TMEM108: variants seen among roughly 807,000 people sequenced by gnomAD.
TMEM108 encodes the protein transmembrane protein 108.
Under a neutral mutation model 35.1 loss-of-function variants are expected in TMEM108, and 12 were observed. The ratio of observed to expected loss-of-function variants is 0.34; its 90% CI spans 0.22 to 0.55. TMEM108 has a LOEUF of 0.55. Ranked by LOEUF, TMEM108 falls within the 20% of genes least tolerant of loss-of-function variation. TMEM108 has a pLI of 0.89. For synonymous variants in TMEM108, 287 were observed against 308.6 expected, an observed-to-expected ratio of 0.93 and a Z score of 0.73; for missense variants, 680 against 753.3, an observed-to-expected ratio of 0.90 and a Z score of 1.14.
At chr3:133,052,672 C>T (rs1943419615) in intron 2 of TMEM108, among the ~76,000 whole-genome samples, 1 of 151,576 alleles carries the variant, frequency 6.6e-6, no homozygotes, top group African/African-American at 2.4e-5. Context: ...TGTTCTTTTC[C>T]TTTTGGTTTG....
At chr3:133,377,292 G>A (rs1039359098) in intron 3 of TMEM108, among the ~76,000 whole-genome samples, 3 of 152,188 alleles carry the variant, frequency 2.0e-5, no homozygotes, top group African/African-American at 7.2e-5. Context: ...GAAAGGGAAT[G>A]TCCATCAAAA....
intron 2 of TMEM108, among the ~76,000 whole-genome samples, chr3:133,196,522 T>C (rs973146911): frequency 1.2e-4 from 19 of 152,250 alleles, no homozygotes; most frequent in African/African-American, 4.3e-4. Flanking sequence ...TAAATTTACA[T>C]GTTTATACCT....
chr3:133,116,911 G>A (rs7624758), intron 2 of TMEM108, among the ~76,000 whole-genome samples: 51,128 of 151,862 alleles, frequency 0.34, 8,725 homozygotes, highest in Admixed American at 0.41. Context: ...CTGAGACTAC[G>A]GGCGTGCACT....
intron 3 of TMEM108, chr3:133,247,860 G>A (rs1282082301): frequency 6.6e-6 from 1 of 152,098 alleles, no homozygotes; most frequent in African/African-American, 2.4e-5. Flanking sequence ...AGAAAACTGT[G>A]GTACAAATGC....
intron 3 of TMEM108, among the ~76,000 whole-genome samples, chr3:133,238,288 CT>C (rs1462603549): frequency 6.6e-6 from 1 of 150,798 alleles, no homozygotes; most frequent in African/African-American, 2.4e-5. Context: ...TCATCCATTC[CT>C]TTGTTTCCAG....
intron 2 of TMEM108, among the ~76,000 whole-genome samples, chr3:133,198,599 A>G (rs1433765983): frequency 1.3e-5 from 2 of 152,236 alleles, no homozygotes; most frequent in Non-Finnish European, 2.9e-5. Context: ...TGAAGCCTCA[A>G]TTTTAGACCT....
At chr3:133,193,719 C>T (rs1014225024) in intron 2 of TMEM108, among the ~76,000 whole-genome samples, 2 of 152,190 alleles carry the variant, frequency 1.3e-5, no homozygotes, top group African/African-American at 4.8e-5. Context: ...AATGACAGGG[C>T]TTTAGGTATA....
intron 3 of TMEM108, among the ~76,000 whole-genome samples, chr3:133,370,895 TG>T (rs2072644611): frequency 6.7e-6 from 1 of 150,146 alleles, no homozygotes; most frequent in Non-Finnish European, 1.5e-5. Flanking sequence ...TGTGTGTGTG[TG>T]TGTGTGTGTG....
intron 3 of TMEM108, among the ~76,000 whole-genome samples, chr3:133,306,862 T>C (rs1478726644): frequency 6.6e-6 from 1 of 152,122 alleles, no homozygotes; most frequent in Non-Finnish European, 1.5e-5. Context: ...AGCAGCATGA[T>C]TTATAATTCT....
chr3:133,210,747 C>T (rs1368076171), intron 2 of TMEM108, among the ~76,000 whole-genome samples: 2 of 152,092 alleles, frequency 1.3e-5, no homozygotes, highest in Non-Finnish European at 2.9e-5. Flanking sequence ...TGCACAAGTC[C>T]AAACAGTGAA....
chr3:133,091,757 T>A (rs1943949151), intron 2 of TMEM108, among the ~76,000 whole-genome samples: 1 of 152,130 alleles, frequency 6.6e-6, no homozygotes, highest in African/African-American at 2.4e-5. Flanking sequence ...AGTAGAGAAA[T>A]GTAAAGTATT....
intron 2 of TMEM108, among the ~76,000 whole-genome samples, chr3:133,167,404 C>T (rs969661448): frequency 6.6e-6 from 1 of 152,270 alleles, no homozygotes; most frequent in African/African-American, 2.4e-5. Context: ...CGCCCGCACT[C>T]CTCAGCCCTT....
At chr3:133,157,523 G>C (rs1485220107) in intron 2 of TMEM108, among the ~76,000 whole-genome samples, 2 of 152,132 alleles carry the variant, frequency 1.3e-5, no homozygotes, top group Non-Finnish European at 2.9e-5. Context: ...CTCTTGCTCA[G>C]ATTTTAAGTT....
At chr3:133,153,313 TTG>T (rs1480863581) in intron 2 of TMEM108, among the ~76,000 whole-genome samples, 1 of 151,554 alleles carries the variant, frequency 6.6e-6, no homozygotes, top group African/African-American at 2.4e-5. Flanking sequence ...CTGAGTTCAG[TTG>T]GCTCAAGTGG....
At chr3:133,229,201 G>A in intron 2 of TMEM108, 65 bp from the exon 3 acceptor site, 2 of 1,055,990 alleles carry the variant, frequency 1.9e-6, no homozygotes, top group South Asian at 3.0e-5. Flanking sequence ...CTATTGAGTG[G>A]AGTTATTTCT....
At chr3:133,278,085 A>G (rs948346737) in intron 3 of TMEM108, among the ~76,000 whole-genome samples, 4 of 152,236 alleles carry the variant, frequency 2.6e-5, no homozygotes, top group Admixed American at 2.6e-4. Flanking sequence ...CACAGCTGCC[A>G]CACGGCATGA....
intron 3 of TMEM108, among the ~76,000 whole-genome samples, chr3:133,290,733 A>G (rs556800851): frequency 4.6e-4 from 70 of 152,328 alleles, no homozygotes; most frequent in African/African-American, 1.7e-3. Flanking sequence ...CATCAGATAG[A>G]GTGATTAATG....
Position 133,380,453 on chromosome 3 carries a change from C to T in TMEM108, c.742C>T (p.Pro248Ser). 1 of 1,614,060 alleles carries T rather than the reference C, an allele frequency of 6.2e-7. No individual in the cohort carries two copies. The highest frequency in any genetic ancestry group is 8.5e-7 in the Non-Finnish European group (1 of 1,179,986). ...RTPLWGYSSSPQPQTVAATTV... is the reference protein window; with the variant it reads ...RTPLWGYSSSSQPQTVAATTV... ...CCCACTCTGGGGCTACTCCTCTTCA[C>T]CACAGCCCCAGACAGTGGCTGCGAC... Residue 248 changes from proline (P) to serine (S), a missense_variant, in exon 4 of 6, where the codon CCA (proline) becomes TCA (serine). Pro to Ser is a moderately conservative substitution (Grantham distance 74). Around this residue, in one of 3 missense-constraint regions of TMEM108, gnomAD observed 526 missense variants for 532.1 expected, o/e 0.99. Coordinates refer to ENST00000321871, the MANE Select transcript of TMEM108 (RefSeq NM_023943.4). The surrounding 1 kb of genome is among the most constrained non-coding windows in gnomAD (Gnocchi z 5.3).
chr3:133,072,418 G>A (rs1943687154), intron 2 of TMEM108, among the ~76,000 whole-genome samples: 1 of 151,918 alleles, frequency 6.6e-6, no homozygotes, highest in Non-Finnish European at 1.5e-5. Context: ...AAGTGCTTTA[G>A]TTTTAAACCT....
Sources: allele counts gnomAD v4.1 joint callset (sites outside exome capture counted in the v4.1 genomes callset), GRCh38; gene constraint gnomAD v4.1.1; regional missense constraint gnomAD v4.1.1; non-coding constraint Gnocchi (gnomAD v3.1); transcripts MANE v1.5; gene names NCBI Gene and HGNC (gene_info 2026-07-23, HGNC 2026-07-21).